Variants in NPC1L1 observed in about 807,000 individuals in gnomAD.
NPC1L1 encodes NPC1-like intracellular cholesterol transporter 1.
Under a neutral mutation model 117.0 loss-of-function variants are expected in NPC1L1, and 98 were observed. The observed-to-expected ratio is 0.84, with a 90% CI of 0.71 to 0.99. The LOEUF (loss-of-function observed/expected upper bound fraction) is 0.99, where lower values mean the gene tolerates loss of function less well. Among genes scored for constraint, NPC1L1 ranks in the 50% least tolerant of loss-of-function variants. NPC1L1 has a pLI of 0.00. For synonymous variants in NPC1L1, 729 were observed against 727.6 expected, an observed-to-expected ratio of 1.00 and a Z score of -0.03; for missense variants, 1,540 against 1,710.0, an observed-to-expected ratio of 0.90 and a Z score of 1.75.
intron 10 of NPC1L1, 113 bp from the exon 11 acceptor site, chr7:44,522,355 GT>G: frequency 1.0e-6 from 1 of 999,484 alleles, no homozygotes; most frequent in Middle Eastern, 2.2e-4. Context: ...AAAGGCACAT[GT>G]TCAGAGGTCC....
At chr7:44,515,758 C>T (rs1801163026) in intron 18 of NPC1L1, 45 bp downstream of exon 18, 1 of 1,612,762 alleles carries the variant, frequency 6.2e-7, no homozygotes, top group South Asian at 1.1e-5. Context: ...CTGTTGTCGT[C>T]AGCATAATCA....
At position 44,522,183 on chromosome 7, in the gene NPC1L1, C is replaced by T. The variant is rs139257371; in HGVS notation, c.2697G>A (p.Pro899=). The T allele has an allele frequency of 2.8e-4, 455 of 1,613,884 alleles. 1 individual carries two copies. In the African/African-American group the frequency reaches 4.6e-3, roughly 16 times the overall value. The change falls in exon 11 of 19, where the codon CCG becomes CCA. Residue 899 remains proline, a synonymous_variant. Transcript: ENST00000381160. Reference sequence around the variant, plus strand: ...AGCCCAAGGTGGTAACAAAGTACACCGGGGCCCCCACCTCGAAGTAGCGGT... The same window carrying T: ...AGCCCAAGGTGGTAACAAAGTACACTGGGGCCCCCACCTCGAAGTAGCGGT... The part of the protein sequence containing the change: ...FLNRYFEVGA[P]VYFVTTLGYN...
chr7:44,534,614 T>C lies in NPC1L1; in HGVS notation c.1999A>G (p.Thr667Ala). The C allele has an allele frequency of 6.2e-7, 1 of 1,614,002 alleles. No individual in the cohort carries two copies. The highest frequency in any genetic ancestry group is 8.5e-7 in the Non-Finnish European group (1 of 1,179,932). ...ACGGCCACCCCGCCGAGGCCCAGCG[T>C]GGCCTTGGAGTCCACCTGCAATGCA... ...WSRVMVDSKA[T>A]LGLGGVAVVL... The change falls in exon 6 of 19, where the codon ACG becomes GCG. Residue 667 changes from threonine (T) to alanine (A), a missense_variant. Physicochemically the swap from Thr to Ala is moderately conservative, Grantham distance 58. Around this residue, in one of 3 missense-constraint regions of NPC1L1, gnomAD observed 742 missense variants for 873.6 expected, o/e 0.85. Transcript: ENST00000381160. This position sits in a 1 kb window ranked among gnomAD's most constrained non-coding sequence, Gnocchi z 5.2.
chr7:44,515,779 G>A, intron 18 of NPC1L1, 24 bp downstream of exon 18: 1 of 1,614,032 alleles, frequency 6.2e-7, no homozygotes, highest in South Asian at 1.1e-5. Context: ...TGACAGTCTG[G>A]TAGGAACAGG....
At position 44,512,854 on chromosome 7, in the gene NPC1L1, T is replaced by C; in HGVS notation, c.*593A>G. On this transcript the variant is annotated 3_prime_UTR_variant, in exon 19 of 19. Coordinates refer to ENST00000381160, the MANE Select transcript of NPC1L1 (RefSeq NM_001101648.2). ...ATGAGAGCATCCTTCCTGGGCCTTA[T>C]GAGAGCATCCTTCCTGGGCCCTTCT... 5.8e-6 allele frequency: 1 copy of C among 171,724 alleles called. No individual in the cohort carries two copies. The highest frequency in any genetic ancestry group is 1.4e-4 in the East Asian group (1 of 6,908). 10.6% of individuals were successfully genotyped at this position (171,724 alleles called of 1,614,324 possible). A position where few individuals can be genotyped will look rare whatever the true frequency, so the allele number is the denominator to read the frequency against.
In NPC1L1 at chr7:44,531,787, C is replaced by T. The variant is rs751040913; in HGVS notation, c.2605G>A (p.Val869Met). Reference sequence around the variant, plus strand: ...AGGGCCAGCTCCTGGTCCAGTCCCACGCTGATGTGGCACATGGAGTAGAGG... The same window carrying T: ...AGGGCCAGCTCCTGGTCCAGTCCCATGCTGATGTGGCACATGGAGTAGAGG... ...VSLYSMCHISVGLDQELALPK... is the reference protein window; with the variant it reads ...VSLYSMCHISMGLDQELALPK... The change falls in exon 10 of 19, where the codon GTG becomes ATG. Residue 869 changes from valine (V) to methionine (M), a missense_variant. By Grantham distance (21) the Val-to-Met change is conservative (BLOSUM62 1). Coordinates refer to ENST00000381160, the MANE Select transcript of NPC1L1 (RefSeq NM_001101648.2). 9 of 1,587,884 alleles carry T rather than the reference C, an allele frequency of 5.7e-6. No individual in the cohort carries two copies. The highest frequency in any genetic ancestry group is 2.3e-5 in the South Asian group (2 of 86,600).
At chr7:44,517,076 G>T in intron 15 of NPC1L1, 131 bp downstream of exon 15, 2 of 1,445,274 alleles carry the variant, frequency 1.4e-6, no homozygotes, top group Non-Finnish European at 1.9e-6. Flanking sequence ...TAGGCCCAAG[G>T]CTGCAGCCAG....
intron 13 of NPC1L1, 24 bp downstream of exon 13, chr7:44,520,968 A>G (rs1469294060): frequency 1.2e-6 from 2 of 1,614,054 alleles, no homozygotes; most frequent in African/African-American, 1.3e-5. Flanking sequence ...TGTCCTCCCC[A>G]GCAGAAGGCC....
Position 44,538,417 on chromosome 7 carries a change from G to A in NPC1L1, c.1580+400C>T, listed in dbSNP as rs973803055. Reference sequence around the variant, plus strand: ...ATACCATGGTACCTCATGGGTTACTGATGGCCCTACGGCCCCTGGCACAGA... The same window carrying A: ...ATACCATGGTACCTCATGGGTTACTAATGGCCCTACGGCCCCTGGCACAGA... On this transcript the variant is annotated intron_variant, in intron 2 of 18. Transcript: ENST00000381160. The surrounding 1 kb of genome is among the most constrained non-coding windows in gnomAD (Gnocchi z 5.9). 2.0e-5 allele frequency among the ~76,000 whole-genome samples: 3 copies of A among 152,254 alleles called. No homozygotes were observed. Among genetic ancestry groups the A allele is most frequent in the African/African-American group, 7.2e-5 (3 of 41,470 alleles).
chr7:44,522,300 C>T, intron 10 of NPC1L1, 58 bp from the exon 11 acceptor site: 1 of 1,499,236 alleles, frequency 6.7e-7, no homozygotes, highest in Non-Finnish European at 9.1e-7. Flanking sequence ...CTAAAGGGCT[C>T]AATCCAGCTC....
In NPC1L1 at chr7:44,536,396, T is replaced by G. The variant is rs370103388; in HGVS notation, c.1714A>C (p.Met572Leu). The change falls in exon 4 of 19, where the codon ATG becomes CTG. Residue 572 changes from methionine to leucine, a missense_variant. Transcript: ENST00000381160. The surrounding 1 kb of genome is among the most constrained non-coding windows in gnomAD (Gnocchi z 4.7). ...GGGTAATTGTTGAGGGAGAACGTCA[T>G]GATCAGGGCCTCTGCCTCAGAATAG... ...KDYSEAEALIMTFSLNNYPAG... is the reference protein window; with the variant it reads ...KDYSEAEALILTFSLNNYPAG... 4.3e-6 allele frequency: 7 copies of G among 1,613,806 alleles called. No homozygotes were observed. In the African/African-American group the frequency reaches 8.0e-5, roughly 18 times the overall value.
In NPC1L1 at chr7:44,515,942, G is replaced by C. The variant is rs756778647; in HGVS notation, c.3657C>G (p.Thr1219=). The C allele has an allele frequency of 5.6e-6, 9 of 1,614,078 alleles. No individual in the cohort carries two copies. The highest frequency in any genetic ancestry group is 4.5e-5 in the East Asian group (2 of 44,870). ...CCAGGACAAGGATGCCAGGCAGGTT[G>C]GTCATGGCCACACCTGCAAACACCT... is the stretch of plus-strand genomic sequence containing the variant. ...GSAVFAGVAM[T]NLPGILVLGL... Residue 1219 remains threonine (T), a synonymous_variant, in exon 18 of 19, where the codon ACC becomes ACG. Transcript: ENST00000381160.
chr7:44,530,154 A>G (rs941285330), intron 10 of NPC1L1, among the ~76,000 whole-genome samples: 6 of 152,168 alleles, frequency 3.9e-5, no homozygotes, highest in African/African-American at 1.4e-4. Flanking sequence ...CCAGGCCAAC[A>G]TGGTGAAACC....
At chr7:44,513,963 G>A (rs757812810) in intron 18 of NPC1L1, among the ~76,000 whole-genome samples, 5 of 151,960 alleles carry the variant, frequency 3.3e-5, no homozygotes, top group East Asian at 1.9e-4. Context: ...CACCCCCAGC[G>A]CACACACTCT....
chr7:44,533,845 G>A lies in NPC1L1; in HGVS notation c.2175C>T (p.Pro725=). The change falls in exon 7 of 19, where the codon CCC becomes CCT. Residue 725 remains proline, a synonymous_variant. Coordinates refer to ENST00000381160, the MANE Select transcript of NPC1L1 (RefSeq NM_001101648.2). ...FIFVLEYQRL[P]RRPGEPREVH... ...CCTCTCGTGGCTCCCCAGGCCTCCGGGGCAGCCTCTGTGTGGGAACAGCAG... is the reference window on the plus strand; with the variant it reads ...CCTCTCGTGGCTCCCCAGGCCTCCGAGGCAGCCTCTGTGTGGGAACAGCAG... 3 of 1,611,526 alleles carry A rather than the reference G, an allele frequency of 1.9e-6. No homozygotes were observed. The highest frequency in any genetic ancestry group is 1.1e-5 in the South Asian group (1 of 90,508).
At chr7:44,533,113 A>T in intron 8 of NPC1L1, 1 of 303,154 alleles carries the variant, frequency 3.3e-6, no homozygotes. Context: ...CTCAAAAAAA[A>T]AAAAAGTTAC....
chr7:44,525,447 G>T (rs1330688812), intron 10 of NPC1L1, among the ~76,000 whole-genome samples: 1 of 152,080 alleles, frequency 6.6e-6, no homozygotes, highest in East Asian at 1.9e-4. Context: ...TAGTAGAGAT[G>T]GGGTTTCACC....
At chr7:44,535,716 A>G in intron 5 of NPC1L1, 124 bp downstream of exon 5, 2 of 1,335,434 alleles carry the variant, frequency 1.5e-6, no homozygotes, top group Non-Finnish European at 2.1e-6. Context: ...CCTTTGGGGC[A>G]GCCACTTGGG....
At position 44,536,414 on chromosome 7, in the gene NPC1L1, C is replaced by A. The variant is rs1318460394; in HGVS notation, c.1696G>T (p.Glu566Ter). Residue 566 changes from glutamate to a stop codon, truncating the protein, a stop_gained, in exon 4 of 19, where the codon GAG (glutamate) becomes TAG (stop). Transcript: ENST00000381160. LOFTEE classifies it high-confidence loss of function. The surrounding 1 kb of genome is among the most constrained non-coding windows in gnomAD (Gnocchi z 4.7). ...AACGTCATGATCAGGGCCTCTGCCTCAGAATAGTCCTTTCCTGGGATAAGA... is the reference window on the plus strand; with the variant it reads ...AACGTCATGATCAGGGCCTCTGCCTAAGAATAGTCCTTTCCTGGGATAAGA... ...IGGYKGKDYS[E>*]AEALIMTFSL... 1 of 1,613,000 alleles carries A rather than the reference C, an allele frequency of 6.2e-7. No homozygotes were observed. Among genetic ancestry groups the A allele is most frequent in the South Asian group, 1.1e-5 (1 of 91,090 alleles).
Sources: gnomAD v4.1 joint callset for allele counts (sites outside exome capture counted in the v4.1 genomes callset) on GRCh38, gnomAD v4.1.1 for gene constraint, gnomAD v4.1.1 regional missense constraint, Gnocchi (gnomAD v3.1) non-coding constraint, MANE v1.5 for transcripts, NCBI Gene and HGNC (gene_info 2026-07-23, HGNC 2026-07-21) for gene names.